Variants in CFAP47 observed in about 807,000 individuals in gnomAD.
The protein encoded by CFAP47 is cilia and flagella associated protein 47.
CFAP47 carries 29 observed loss-of-function variants against 148.1 expected under a neutral mutation model. The ratio of observed to expected loss-of-function variants is 0.20; its 90% confidence interval spans 0.15 to 0.27. The LOEUF is 0.27. Ranked by LOEUF, CFAP47 falls within the 10% of genes least tolerant of loss-of-function variation. The pLI is 1.00. For missense variants in CFAP47, 1,872 were observed against 1,697.5 expected (o/e 1.10, Z -1.81); for synonymous variants, 664 against 577.3 (o/e 1.15, Z -2.15).
intron 22 of CFAP47, among the ~76,000 whole-genome samples, chrX:36,019,774 G>A (rs955327099): frequency 9.0e-6 from 1 of 111,530 alleles, no homozygotes; most frequent in African/African-American, 3.3e-5. Context: ...AGTATCAGTT[G>A]TAATAAGCCT....
intron 60 of CFAP47, among the ~76,000 whole-genome samples, chrX:36,354,017 T>A (rs1433641336): frequency 8.9e-6 from 1 of 111,932 alleles, no homozygotes; most frequent in African/African-American, 3.2e-5. Flanking sequence ...AGGATTATGA[T>A]AATGCCATAA....
chrX:36,062,426 T>C (rs1452697884), intron 26 of CFAP47, among the ~76,000 whole-genome samples: 1 of 111,631 alleles, frequency 9.0e-6, no homozygotes, highest in Non-Finnish European at 1.9e-5. Flanking sequence ...TCTCTCAGCC[T>C]CACTAATGAT....
At chrX:36,304,040 T>C in intron 54 of CFAP47, 80 bp downstream of exon 54, 1 of 466,110 alleles carries the variant, frequency 2.1e-6, no homozygotes, top group Non-Finnish European at 3.6e-6. Flanking sequence ...TGGTGGAGTA[T>C]TATCACTTGA....
chrX:35,924,005 G>A (rs1340816708), intron 1 of CFAP47, among the ~76,000 whole-genome samples: 1 of 99,632 alleles, frequency 1.0e-5, no homozygotes, highest in Admixed American at 1.1e-4. Flanking sequence ...ATGTGTATAT[G>A]TGTAAATATA....
intron 15 of CFAP47, among the ~76,000 whole-genome samples, chrX:35,982,973 T>C (rs1037759494): frequency 8.9e-6 from 1 of 112,137 alleles, no homozygotes; most frequent in Non-Finnish European, 1.9e-5. Context: ...AATTTTAAAA[T>C]AGTATTCTAA....
At chrX:36,348,088 A>C in intron 57 of CFAP47, 41 bp from the exon 58 acceptor site, 1 of 783,977 alleles carries the variant, frequency 1.3e-6, no homozygotes, top group East Asian at 4.5e-5. Flanking sequence ...ATAGTCTGTT[A>C]ATATTTACCA....
chrX:36,045,182 T>G (rs1178670956), intron 25 of CFAP47, among the ~76,000 whole-genome samples: 1 of 111,701 alleles, frequency 9.0e-6, no homozygotes, highest in Non-Finnish European at 1.9e-5. Flanking sequence ...TTTTCTCTAT[T>G]CTATGTGATA....
intron 30 of CFAP47, among the ~76,000 whole-genome samples, chrX:36,090,336 A>C (rs1296807846): frequency 1.8e-5 from 2 of 111,962 alleles, no homozygotes; most frequent in Non-Finnish European, 3.8e-5. Flanking sequence ...GAGCAAAAGA[A>C]GGAGGCTTAC....
chrX:35,950,620 C>T (rs896986737), intron 4 of CFAP47, among the ~76,000 whole-genome samples: 1 of 110,988 alleles, frequency 9.0e-6, no homozygotes, highest in Non-Finnish European at 1.9e-5. Context: ...GCAATTCTCC[C>T]TCCTTGGCTG....
rs1161738274 is a variant in CFAP47 at position 36,005,492 on chromosome X, T to G, written c.3417+3785T>G. ...TCCACATATTTGTGCATTTACCTAG[T>G]TTATCTTATTGATTTCTAATATAAT... On this transcript the variant is annotated intron_variant, in intron 21 of 63. Coordinates refer to ENST00000378653, the MANE Select transcript of CFAP47 (RefSeq NM_001304548.2). 2.7e-5 allele frequency among the ~76,000 whole-genome samples: 3 copies of G among 112,242 alleles called. No homozygotes were observed. In the East Asian group the frequency reaches 8.3e-4, roughly 31 times the overall value.
intron 50 of CFAP47, among the ~76,000 whole-genome samples, chrX:36,282,006 A>G (rs1406037146): frequency 9.0e-6 from 1 of 111,266 alleles, no homozygotes; most frequent in Non-Finnish European, 1.9e-5. Context: ...AAAAAATAAT[A>G]ATAAGAGTTC....
At chrX:36,053,329 C>T (rs1225583220) in intron 26 of CFAP47, among the ~76,000 whole-genome samples, 3 of 111,450 alleles carry the variant, frequency 2.7e-5, no homozygotes, top group East Asian at 5.6e-4. Flanking sequence ...AATGGTCCAT[C>T]TCAAATTTTA....
At chrX:36,300,859 A>G in intron 52 of CFAP47, among the ~76,000 whole-genome samples, 1 of 112,410 alleles carries the variant, frequency 8.9e-6, no homozygotes, top group Non-Finnish European at 1.9e-5. Context: ...AATGACAACA[A>G]CACTGCTTTT....
intron 33 of CFAP47, among the ~76,000 whole-genome samples, chrX:36,126,300 C>T (rs892330445): frequency 1.5e-4 from 16 of 110,225 alleles, no homozygotes; most frequent in Admixed American, 1.1e-3. Flanking sequence ...CCTATGTCAA[C>T]GTGTTCTCAC....
intron 15 of CFAP47, 46 bp downstream of exon 15, chrX:35,975,959 T>A: frequency 8.8e-7 from 1 of 1,142,218 alleles, no homozygotes; most frequent in African/African-American, 1.8e-5. Flanking sequence ...TTTTTTCATG[T>A]ATTCATGTAT....
chrX:35,970,234 T>C (rs2146664079), intron 10 of CFAP47, among the ~76,000 whole-genome samples: 1 of 111,325 alleles, frequency 9.0e-6, no homozygotes, highest in East Asian at 2.8e-4. Flanking sequence ...GAGTGAATAT[T>C]AGATATAAAG....
intron 46 of CFAP47, among the ~76,000 whole-genome samples, chrX:36,233,497 C>T (rs1266285680): frequency 9.0e-6 from 1 of 111,031 alleles, no homozygotes; most frequent in South Asian, 3.8e-4. Flanking sequence ...TTATTTTGAG[C>T]CTATGTGTGT....
intron 56 of CFAP47, among the ~76,000 whole-genome samples, chrX:36,314,718 T>C (rs1556010650): frequency 8.9e-6 from 1 of 111,756 alleles, no homozygotes; most frequent in Admixed American, 9.6e-5. Context: ...ATCTATCATC[T>C]ATCTACCTAC....
At chrX:36,349,081 C>A (rs1358653988) in intron 58 of CFAP47, among the ~76,000 whole-genome samples, 1 of 110,805 alleles carries the variant, frequency 9.0e-6, no homozygotes, top group Admixed American at 9.6e-5. Context: ...ATATTTTGCT[C>A]AATAACTATG....
Sources: allele counts gnomAD v4.1 joint callset (sites outside exome capture counted in the v4.1 genomes callset), GRCh38; gene constraint gnomAD v4.1.1; transcripts MANE v1.5; gene names NCBI Gene and HGNC (gene_info 2026-07-23, HGNC 2026-07-21).